Variants in MGAT5 observed in about 807,000 individuals in gnomAD.
MGAT5 encodes the protein alpha-1,6-mannosylglycoprotein 6-beta-N-acetylglucosaminyltransferase A.
In MGAT5, 30 loss-of-function variants were observed where a neutral mutation model predicts 94.3. That is an observed-to-expected ratio of 0.32 (90% confidence interval 0.24 to 0.43). MGAT5 has a LOEUF of 0.43. MGAT5 is among the 20% of genes least tolerant of loss of function. MGAT5 has a pLI of 1.00. For synonymous variants in MGAT5, 310 were observed against 322.9 expected, an observed-to-expected ratio of 0.96 and a Z score of 0.43; for missense variants, 691 against 905.5, an observed-to-expected ratio of 0.76 and a Z score of 3.04.
intron 13 of MGAT5, 43 bp downstream of exon 13, chr2:134,422,962 C>G: frequency 7.0e-7 from 1 of 1,426,448 alleles, no homozygotes; most frequent in Non-Finnish European, 9.9e-7. Flanking sequence ...CTAATGTGAC[C>G]TGAAATGTGT....
At chr2:134,390,230 G>C (rs190860216) in intron 10 of MGAT5, among the ~76,000 whole-genome samples, 4 of 152,240 alleles carry the variant, frequency 2.6e-5, no homozygotes, top group African/African-American at 9.6e-5. Context: ...GGATCATCTC[G>C]TGCATCCCCT....
At chr2:134,331,053 CA>C (rs990705484) in intron 4 of MGAT5, among the ~76,000 whole-genome samples, 5 of 152,094 alleles carry the variant, frequency 3.3e-5, no homozygotes, top group African/African-American at 1.2e-4. Flanking sequence ...TATCTGCCAG[CA>C]ACTTTTTTCC....
chr2:134,357,876 G>A (rs1217833536), intron 9 of MGAT5, among the ~76,000 whole-genome samples: 1 of 15,902 alleles, frequency 6.3e-5, no homozygotes, highest in African/African-American at 1.2e-4. Context: ...ACCACCATTT[G>A]GAAAAAAAAA....
chr2:134,333,700 A>G (rs1453622823), intron 4 of MGAT5, among the ~76,000 whole-genome samples: 2 of 152,260 alleles, frequency 1.3e-5, no homozygotes, highest in African/African-American at 2.4e-5. Flanking sequence ...AGATCAAAAG[A>G]AAACAAAGTT....
At chr2:134,282,665 C>G (rs1684762982) in intron 2 of MGAT5, among the ~76,000 whole-genome samples, 1 of 152,172 alleles carries the variant, frequency 6.6e-6, no homozygotes, top group African/African-American at 2.4e-5. Flanking sequence ...CTGGAGATGA[C>G]ACTCCAGCAG....
chr2:134,223,789 G>C (rs1298605185), intron 1 of MGAT5, among the ~76,000 whole-genome samples: 1 of 151,550 alleles, frequency 6.6e-6, no homozygotes, highest in African/African-American at 2.4e-5. Flanking sequence ...GAAATTTTTT[G>C]ACTGGCCATA....
chr2:134,405,155 C>T (rs1291762756), intron 11 of MGAT5, among the ~76,000 whole-genome samples: 5 of 152,202 alleles, frequency 3.3e-5, no homozygotes, highest in East Asian at 3.8e-4. Context: ...TAGGCCAAAA[C>T]GGAGATCGCT....
intron 1 of MGAT5, among the ~76,000 whole-genome samples, chr2:134,200,228 C>A (rs780763428): frequency 2.9e-5 from 4 of 139,650 alleles, no homozygotes; most frequent in African/African-American, 5.3e-5. Context: ...ATCTGACTGA[C>A]TGACCTTGGT....
chr2:134,398,587 C>G (rs921631516), intron 10 of MGAT5, among the ~76,000 whole-genome samples: 3 of 152,158 alleles, frequency 2.0e-5, no homozygotes, highest in African/African-American at 7.2e-5. Context: ...CCTAATTCAC[C>G]AGCTAAAAAG....
At chr2:134,431,981 T>C (rs1684907032) in intron 14 of MGAT5, among the ~76,000 whole-genome samples, 1 of 152,164 alleles carries the variant, frequency 6.6e-6, no homozygotes, top group African/African-American at 2.4e-5. Context: ...AAAATGTTGA[T>C]TCAGAGTGCA....
At chr2:134,178,089 T>C (rs1688564458) in intron 1 of MGAT5, among the ~76,000 whole-genome samples, 2 of 152,092 alleles carry the variant, frequency 1.3e-5, no homozygotes, top group Non-Finnish European at 2.9e-5. Flanking sequence ...TTTGTTTTGT[T>C]TTTTTCTCTC....
intron 4 of MGAT5, among the ~76,000 whole-genome samples, chr2:134,329,845 T>C (rs1480817457): frequency 2.0e-5 from 3 of 152,116 alleles, no homozygotes; most frequent in Non-Finnish European, 4.4e-5. Context: ...AACTCAGGTG[T>C]TGGTGCAGAG....
At chr2:134,139,345 G>T (rs910039659) in intron 1 of MGAT5, among the ~76,000 whole-genome samples, 1 of 152,188 alleles carries the variant, frequency 6.6e-6, no homozygotes, top group African/African-American at 2.4e-5. Context: ...TAATAGTAAG[G>T]TGTGTAGATA....
intron 9 of MGAT5, among the ~76,000 whole-genome samples, chr2:134,361,647 A>AT (rs1034969728): frequency 1.6e-4 from 24 of 152,200 alleles, no homozygotes; most frequent in Admixed American, 7.2e-4. Context: ...CAGTGGTTGG[A>AT]TTTTTTTGAG....
upstream of MGAT5, among the ~76,000 whole-genome samples, chr2:134,254,070 T>G (rs1423849186): frequency 6.6e-6 from 1 of 152,192 alleles, no homozygotes; most frequent in African/African-American, 2.4e-5. Flanking sequence ...ACTTCCCCCT[T>G]CATAATTGCT....
chr2:134,144,100 C>T (rs1469737606), intron 1 of MGAT5, among the ~76,000 whole-genome samples: 1 of 152,176 alleles, frequency 6.6e-6, no homozygotes, highest in East Asian at 1.9e-4. Context: ...GAAGATGAAG[C>T]TCACTGGGCT....
chr2:134,292,250 CAATTGG>C (rs1685413305), intron 2 of MGAT5, among the ~76,000 whole-genome samples: 1 of 152,110 alleles, frequency 6.6e-6, no homozygotes, highest in Non-Finnish European at 1.5e-5. Flanking sequence ...CTGTTAATAG[CAATTGG>C]AATTGAGAGA....
chr2:134,422,791 G>T lies in MGAT5; in HGVS notation c.1678-12G>T, dbSNP rs775731214. ...ATTGCTTGTGAGACTGAGGTGTTCG[G>T]TTCTTTTCCAGCTGACATCCCAGCA... On this transcript the variant is annotated splice_polypyrimidine_tract_variant and intron_variant, in intron 12 of 15. Coordinates refer to ENST00000281923, the MANE Select transcript of MGAT5 (RefSeq NM_002410.5). 6.2e-7 allele frequency: 1 copy of T among 1,611,362 alleles called. No homozygotes were observed.
Position 134,317,612 on chromosome 2 carries a change from C to A in MGAT5, c.483+7C>A. 1 of 1,534,904 alleles carries A rather than the reference C, an allele frequency of 6.5e-7. No homozygotes were observed. Among genetic ancestry groups the A allele is most frequent in the Non-Finnish European group, 8.8e-7 (1 of 1,141,486 alleles). On this transcript the variant is annotated splice_region_variant and intron_variant, in intron 3 of 15. Transcript: ENST00000281923. ...CTGTGAGGGAAAGATCAAGGTAAGGCAGAGGCAAGCATCATCCCCAATCTG... is the reference window on the plus strand; with the variant it reads ...CTGTGAGGGAAAGATCAAGGTAAGGAAGAGGCAAGCATCATCCCCAATCTG...
Sources: allele counts gnomAD v4.1 joint callset (sites outside exome capture counted in the v4.1 genomes callset), GRCh38; gene constraint gnomAD v4.1.1; transcripts MANE v1.5; gene names NCBI Gene and HGNC (gene_info 2026-07-23, HGNC 2026-07-21).